Variants in CCDC171 observed in about 807,000 individuals in gnomAD.
CCDC171 encodes the protein coiled-coil domain containing 171.
In CCDC171, 177 loss-of-function variants were observed where a neutral mutation model predicts 168.2. The observed-to-expected ratio is 1.05, with a 90% CI of 0.93 to 1.19. CCDC171 has a LOEUF of 1.19. Among genes scored for constraint, CCDC171 ranks in the 50% most tolerant of loss-of-function variants. CCDC171 has a pLI of 0.00. For missense variants in CCDC171, 1,991 were observed against 1,539.0 expected, an observed-to-expected ratio of 1.29 and a Z score of -4.91; for synonymous variants, 687 against 540.8, an observed-to-expected ratio of 1.27 and a Z score of -3.75.
At chr9:15,596,628 G>T (rs1367371216) in intron 6 of CCDC171, among the ~76,000 whole-genome samples, 12 of 151,844 alleles carry the variant, frequency 7.9e-5, no homozygotes, top group Admixed American at 7.9e-4. Flanking sequence ...GGCAATGTGG[G>T]CTCTTTTTTG....
chr9:15,893,974 C>G (rs910772730), intron 24 of CCDC171, among the ~76,000 whole-genome samples: 2 of 152,114 alleles, frequency 1.3e-5, no homozygotes, highest in African/African-American at 4.8e-5. Context: ...GATACATGCA[C>G]ACGTATGTTC....
intron 21 of CCDC171, among the ~76,000 whole-genome samples, chr9:15,801,196 T>C (rs2058804671): frequency 6.6e-6 from 1 of 152,074 alleles, no homozygotes; most frequent in Non-Finnish European, 1.5e-5. Context: ...TGTAGATTCC[T>C]TTCGGTAGTA....
chr9:15,665,575 G>GTA (rs1351728393), intron 8 of CCDC171, among the ~76,000 whole-genome samples: 10 of 152,134 alleles, frequency 6.6e-5, no homozygotes, highest in Non-Finnish European at 1.3e-4. Flanking sequence ...GAAGCTAACA[G>GTA]TTTAAGACCA....
chr9:15,761,537 C>G (rs1478678232), intron 18 of CCDC171, among the ~76,000 whole-genome samples: 2 of 152,220 alleles, frequency 1.3e-5, no homozygotes. Context: ...CACTCCAGAC[C>G]TAATGTGCAT....
intron 1 of CCDC171, among the ~76,000 whole-genome samples, chr9:15,559,400 A>T (rs2039084274): frequency 6.6e-6 from 1 of 152,128 alleles, no homozygotes; most frequent in Admixed American, 6.6e-5. Flanking sequence ...GACTTGCTTT[A>T]TGAATCTGGC....
chr9:15,872,630 A>G (rs1817307250), intron 23 of CCDC171, among the ~76,000 whole-genome samples: 1 of 152,160 alleles, frequency 6.6e-6, no homozygotes, highest in East Asian at 1.9e-4. Flanking sequence ...AGCTAATAGT[A>G]TCTCATTTGG....
chr9:15,665,086 C>G lies in CCDC171; in HGVS notation c.916-1077C>G, dbSNP rs770860876. ...TACTCACGTCAATGGTGTTTTATCT[C>G]TTACCTCCTGGAACTCTCCCAGTTT... On this transcript the variant is annotated intron_variant, in intron 8 of 25. Transcript: ENST00000380701. Among the ~76,000 whole-genome samples the G allele has an allele frequency of 2.0e-5, 3 of 152,128 alleles. No homozygotes were observed. The South Asian group carries it at 6.2e-4, about 31-fold the overall frequency.
intron 11 of CCDC171, among the ~76,000 whole-genome samples, chr9:15,703,277 A>G (rs1053751863): frequency 6.6e-6 from 1 of 152,196 alleles, no homozygotes; most frequent in African/African-American, 2.4e-5. Flanking sequence ...GACCATTACA[A>G]CATTCTCCAT....
intron 24 of CCDC171, among the ~76,000 whole-genome samples, chr9:15,878,599 A>C (rs112904108): frequency 0.02 from 3,107 of 152,234 alleles, 108 homozygotes; most frequent in African/African-American, 0.071. Flanking sequence ...AAACAGAACT[A>C]CCATTTGACC....
At chr9:15,556,972 T>A (rs556825055) in intron 1 of CCDC171, among the ~76,000 whole-genome samples, 3 of 152,350 alleles carry the variant, frequency 2.0e-5, no homozygotes, top group African/African-American at 7.2e-5. Flanking sequence ...TAGCCAGTTT[T>A]CCCAACACCA....
chr9:15,793,363 A>G (rs528269497), intron 21 of CCDC171, among the ~76,000 whole-genome samples: 2 of 152,022 alleles, frequency 1.3e-5, no homozygotes, highest in African/African-American at 2.4e-5. Flanking sequence ...AGACTCCCAC[A>G]CAATAATAAT....
At chr9:15,660,525 A>T (rs34659878) in intron 8 of CCDC171, among the ~76,000 whole-genome samples, 1,775 of 152,242 alleles carry the variant, frequency 0.012, 18 homozygotes, top group South Asian at 0.042. Flanking sequence ...CTTTATGTCC[A>T]CAAGTATCCA....
intron 23 of CCDC171, among the ~76,000 whole-genome samples, chr9:15,857,483 C>T (rs1427510981): frequency 1.3e-5 from 2 of 151,788 alleles, no homozygotes; most frequent in East Asian, 3.9e-4. Context: ...AGTACAGTGG[C>T]GTGATCTCGG....
intron 6 of CCDC171, among the ~76,000 whole-genome samples, chr9:15,595,272 A>G (rs1367661842): frequency 6.6e-6 from 1 of 152,068 alleles, no homozygotes; most frequent in Non-Finnish European, 1.5e-5. Context: ...AACATTAGGT[A>G]TATATCCTAA....
chr9:15,641,950 G>T (rs148517325), intron 7 of CCDC171, among the ~76,000 whole-genome samples: 136 of 152,222 alleles, frequency 8.9e-4, no homozygotes, highest in African/African-American at 3.1e-3. Context: ...GATCACTTGA[G>T]GTCAAGAGTC....
chr9:16,077,536 C>T, the CCDC171 span, among the ~76,000 whole-genome samples: 2 of 152,094 alleles, frequency 1.3e-5, no homozygotes, highest in African/African-American at 2.4e-5. Context: ...GTGCTCCTGC[C>T]TTTTTTCATG....
intron 7 of CCDC171, among the ~76,000 whole-genome samples, chr9:15,624,805 T>TA (rs1312047343): frequency 3.9e-5 from 6 of 152,220 alleles, no homozygotes; most frequent in African/African-American, 1.4e-4. Flanking sequence ...CAGCATGATT[T>TA]ATAATCCTTT....
chr9:15,705,552 A>G (rs974677076), intron 11 of CCDC171, among the ~76,000 whole-genome samples: 16 of 152,122 alleles, frequency 1.1e-4, no homozygotes, highest in African/African-American at 3.6e-4. Flanking sequence ...TACCTAGTGT[A>G]TCTGTATAGC....
chr9:15,885,320 T>C (rs1819243075), intron 24 of CCDC171, among the ~76,000 whole-genome samples: 1 of 152,240 alleles, frequency 6.6e-6, no homozygotes, highest in Non-Finnish European at 1.5e-5. Flanking sequence ...GATGTGAACA[T>C]AATTTCTTTG....
Sources: allele counts gnomAD v4.1 joint callset (sites outside exome capture counted in the v4.1 genomes callset), GRCh38; gene constraint gnomAD v4.1.1; transcripts MANE v1.5; gene names NCBI Gene and HGNC (gene_info 2026-07-23, HGNC 2026-07-21).